The following CCSER1 variants were observed in gnomAD, a reference collection of about 807,000 sequenced individuals.
CCSER1 encodes coiled-coil serine rich protein 1, also known as serine-rich coiled-coil domain-containing protein 1.
A neutral mutation model predicts 82.0 loss-of-function variants in CCSER1; 41 were observed. The ratio of observed to expected loss-of-function variants is 0.50; its 90% CI spans 0.39 to 0.65. The LOEUF is 0.65. Among genes scored for constraint, CCSER1 ranks in the 30% least tolerant of loss-of-function variants. CCSER1 has a pLI of 0.00. For missense variants in CCSER1, 1,119 were observed against 1,064.2 expected, an observed-to-expected ratio of 1.05 and a Z score of -0.72; for synonymous variants, 414 against 383.9, an observed-to-expected ratio of 1.08 and a Z score of -0.92.
At chr4:90,686,901 C>A (rs966084553) in intron 6 of CCSER1, among the ~76,000 whole-genome samples, 3 of 152,134 alleles carry the variant, frequency 2.0e-5, no homozygotes, top group Non-Finnish European at 2.9e-5. Flanking sequence ...CAGGATGCTT[C>A]TGTCAACAAG....
intron 8 of CCSER1, among the ~76,000 whole-genome samples, chr4:90,845,099 A>G (rs1222244691): frequency 6.6e-6 from 1 of 152,058 alleles, no homozygotes; most frequent in African/African-American, 2.4e-5. Flanking sequence ...GTGGTGGCTC[A>G]CTCCTGTAAC....
intron 10 of CCSER1, among the ~76,000 whole-genome samples, chr4:91,372,235 AAGG>A (rs1316543843): frequency 6.6e-6 from 1 of 152,116 alleles, no homozygotes; most frequent in African/African-American, 2.4e-5. Flanking sequence ...TCCTACTTGG[AAGG>A]AGGATAACCA....
At chr4:90,489,060 G>T (rs1767561290) in intron 5 of CCSER1, among the ~76,000 whole-genome samples, 1 of 152,122 alleles carries the variant, frequency 6.6e-6, no homozygotes, top group African/African-American at 2.4e-5. Flanking sequence ...ACTTTACTGA[G>T]TTTGGGATTA....
intron 1 of CCSER1, among the ~76,000 whole-genome samples, chr4:90,134,766 C>G (rs1482950907): frequency 2.0e-5 from 3 of 152,094 alleles, no homozygotes; most frequent in Non-Finnish European, 4.4e-5. Context: ...AATTTAGTTT[C>G]TTTTAACTTT....
At chr4:90,257,037 G>T (rs1010877885) in intron 1 of CCSER1, among the ~76,000 whole-genome samples, 1 of 151,884 alleles carries the variant, frequency 6.6e-6, no homozygotes, top group African/African-American at 2.4e-5. Context: ...CACTGCGGGG[G>T]GGTCTTCGAA....
chr4:91,161,317 A>G (rs879514903), intron 10 of CCSER1, among the ~76,000 whole-genome samples: 3 of 152,126 alleles, frequency 2.0e-5, no homozygotes, highest in Non-Finnish European at 2.9e-5. Flanking sequence ...CTTGTAGTAT[A>G]GTTTGAAGTC....
At chr4:90,139,611 T>C (rs1019071063) in intron 1 of CCSER1, among the ~76,000 whole-genome samples, 3 of 152,124 alleles carry the variant, frequency 2.0e-5, no homozygotes, top group African/African-American at 7.2e-5. Context: ...GAGAACACAA[T>C]TGTGTCACTC....
rs138162313 is a variant in CCSER1 at position 90,387,246 on chromosome 4, C to T, written c.1510-12790C>T. ...AAAATAAGCAATGATTAAAAAAAAA[C>T]CTCTATGATACTCCTTACCTGCAGA... On this transcript the variant is annotated intron_variant, in intron 3 of 10. Transcript: ENST00000509176. 2.1e-4 allele frequency among the ~76,000 whole-genome samples: 32 copies of T among 151,688 alleles called. No individual in the cohort carries two copies. The East Asian group carries it at 6.2e-3, about 29-fold the overall frequency.
intron 1 of CCSER1, among the ~76,000 whole-genome samples, chr4:90,202,202 CT>C (rs35938889): frequency 0.62 from 85,270 of 137,308 alleles, 27,887 homozygotes; most frequent in African/African-American, 0.89. Context: ...GTAAGTAAAA[CT>C]TTTTTTTTTT....
chr4:91,528,981 T>C (rs182267700), intron 10 of CCSER1, among the ~76,000 whole-genome samples: 12 of 152,236 alleles, frequency 7.9e-5, no homozygotes, highest in Admixed American at 5.2e-4. Context: ...TGCATTTTTT[T>C]CCAAAATTCT....
chr4:91,178,919 GT>G (rs1329617723), intron 10 of CCSER1, among the ~76,000 whole-genome samples: 2 of 152,188 alleles, frequency 1.3e-5, no homozygotes, highest in Non-Finnish European at 2.9e-5. Flanking sequence ...AATTTGTCAT[GT>G]TTTTGCAGTG....
chr4:90,708,214 G>A (rs1739769237), intron 6 of CCSER1, among the ~76,000 whole-genome samples: 1 of 152,178 alleles, frequency 6.6e-6, no homozygotes, highest in Non-Finnish European at 1.5e-5. Flanking sequence ...CGTCATGCCT[G>A]AGGGAAAAGC....
intron 10 of CCSER1, among the ~76,000 whole-genome samples, chr4:91,470,045 G>C (rs1208761834): frequency 6.6e-6 from 1 of 152,130 alleles, no homozygotes; most frequent in Admixed American, 6.5e-5. Context: ...CTTTCAGATT[G>C]AAAGTCCGAC....
chr4:91,495,045 G>A (rs977706803), intron 10 of CCSER1, among the ~76,000 whole-genome samples: 12 of 151,668 alleles, frequency 7.9e-5, no homozygotes, highest in African/African-American at 2.4e-4. Flanking sequence ...CTAGCAAAAT[G>A]TGGGGAGTTA....
chr4:90,925,116 A>G (rs961046493), intron 9 of CCSER1, among the ~76,000 whole-genome samples: 1 of 152,164 alleles, frequency 6.6e-6, no homozygotes, highest in Non-Finnish European at 1.5e-5. Context: ...TGTATCTATA[A>G]ATCTGCAAGA....
chr4:90,394,269 A>G (rs1430253653), intron 3 of CCSER1, among the ~76,000 whole-genome samples: 1 of 152,070 alleles, frequency 6.6e-6, no homozygotes, highest in Non-Finnish European at 1.5e-5. Context: ...ATAGTTATCT[A>G]TAAGATATAT....
At chr4:90,670,790 T>A (rs1480274488) in intron 6 of CCSER1, among the ~76,000 whole-genome samples, 1 of 151,992 alleles carries the variant, frequency 6.6e-6, no homozygotes, top group Non-Finnish European at 1.5e-5. Context: ...TGAACTATTA[T>A]TAATATATTT....
chr4:91,280,148 G>A (rs1157467891), intron 10 of CCSER1, among the ~76,000 whole-genome samples: 2 of 152,226 alleles, frequency 1.3e-5, no homozygotes, highest in East Asian at 1.9e-4. Context: ...GGCAGGACAA[G>A]CATGCCTGTC....
At chr4:90,778,388 A>G (rs183454698) in intron 7 of CCSER1, among the ~76,000 whole-genome samples, 1 of 152,266 alleles carries the variant, frequency 6.6e-6, no homozygotes, top group East Asian at 1.9e-4. Flanking sequence ...TGAAAATAGA[A>G]TGTGCATGAG....
Sources: gnomAD v4.1 joint callset for allele counts (sites outside exome capture counted in the v4.1 genomes callset) on GRCh38, gnomAD v4.1.1 for gene constraint, MANE v1.5 for transcripts, NCBI Gene and HGNC (gene_info 2026-07-23, HGNC 2026-07-21) for gene names.